Variants in DNM2 observed in about 807,000 individuals in gnomAD.
DNM2 encodes dynamin-2.
DNM2 carries 15 observed loss-of-function variants against 99.0 expected under a neutral mutation model. The observed-to-expected ratio is 0.15, with a 90% CI of 0.10 to 0.23. DNM2 has a LOEUF of 0.23. Ranked by LOEUF, DNM2 falls within the 10% of genes least tolerant of loss-of-function variation. The pLI, the probability that DNM2 is intolerant of heterozygous loss-of-function variation, is 1.00. For missense variants in DNM2, 742 were observed against 1,189.4 expected, an observed-to-expected ratio of 0.62 and a Z score of 5.53; for synonymous variants, 525 against 481.2, an observed-to-expected ratio of 1.09 and a Z score of -1.19.
Position 10,759,775 on chromosome 19 carries a change from C to A in DNM2, c.199C>A (p.Arg67=). The A allele has an allele frequency of 6.2e-7, 1 of 1,614,120 alleles. No homozygotes were observed. The highest frequency in any genetic ancestry group is 1.3e-5 in the African/African-American group (1 of 75,040). Residue 67 remains arginine, a synonymous_variant, in exon 2 of 21, where the codon CGG becomes AGG. Coordinates refer to ENST00000389253, the MANE Select transcript of DNM2 (RefSeq NM_001005361.3). ...LPRGSGIVTR[R]PLILQLIFSK... ...CCGCGGTTCAGGAATCGTCACCCGGCGGCCTCTCATTCTGCAGCTCATCTT... is the reference window on the plus strand; with the variant it reads ...CCGCGGTTCAGGAATCGTCACCCGGAGGCCTCTCATTCTGCAGCTCATCTT...
At chr19:10,747,483 C>T (rs892763650) in intron 1 of DNM2, among the ~76,000 whole-genome samples, 5 of 152,142 alleles carry the variant, frequency 3.3e-5, no homozygotes, top group Non-Finnish European at 5.9e-5. Context: ...GTGCCAAGGG[C>T]GGGCCTCGAG....
At chr19:10,797,245 G>T in intron 9 of DNM2, 135 bp from the exon 10 acceptor site, 2 of 1,328,288 alleles carry the variant, frequency 1.5e-6, no homozygotes, top group East Asian at 2.5e-5. Context: ...GGCAAATGCG[G>T]GCGCAGGCTC....
At chr19:10,760,621 CTCT>C (rs1395688496) in intron 2 of DNM2, among the ~76,000 whole-genome samples, 5 of 151,896 alleles carry the variant, frequency 3.3e-5, no homozygotes, top group African/African-American at 7.3e-5. Flanking sequence ...CTTTTGTAAT[CTCT>C]TCTTCTCTTT....
In DNM2 at chr19:10,796,424, C is replaced by A. The variant is rs757729053; in HGVS notation, c.1197-956C>A. Among the ~76,000 whole-genome samples, 1 of 152,150 alleles carries A rather than the reference C, an allele frequency of 6.6e-6. No individual in the cohort carries two copies. Among genetic ancestry groups the A allele is most frequent in the Admixed American group, 6.5e-5 (1 of 15,274 alleles). ...GCCTCCTGGACTGGCCAGACAGATG[C>A]ACAGTTGTCCCTGGGACCCTGATAC... On this transcript the variant is annotated intron_variant, in intron 9 of 20. Coordinates refer to ENST00000389253, the MANE Select transcript of DNM2 (RefSeq NM_001005361.3). The surrounding 1 kb of genome is among the most constrained non-coding windows in gnomAD (Gnocchi z 5.6).
At chr19:10,758,169 C>G (rs1042953477) in intron 1 of DNM2, among the ~76,000 whole-genome samples, 4 of 152,074 alleles carry the variant, frequency 2.6e-5, no homozygotes, top group African/African-American at 9.7e-5. Flanking sequence ...TAAGTCGGAG[C>G]AGGCTACTCC....
intron 11 of DNM2, among the ~76,000 whole-genome samples, chr19:10,800,919 G>A (rs879452094): frequency 5.6e-4 from 86 of 152,240 alleles, no homozygotes; most frequent in African/African-American, 1.9e-3. Flanking sequence ...GTGTGCGCGC[G>A]TGCACGTGCA....
intron 7 of DNM2, among the ~76,000 whole-genome samples, chr19:10,792,598 T>C (rs982473910): frequency 6.6e-6 from 1 of 152,120 alleles, no homozygotes; most frequent in African/African-American, 2.4e-5. Flanking sequence ...AACAAAAATT[T>C]TCTTTCTTTT....
chr19:10,784,928 A>G (rs2071506843), intron 6 of DNM2, among the ~76,000 whole-genome samples: 1 of 137,608 alleles, frequency 7.3e-6, no homozygotes, highest in East Asian at 2.2e-4. Context: ...GGTTCAAGTG[A>G]TTCTCATGCC....
chr19:10,729,182 A>AAAT (rs1568265434), intron 1 of DNM2, among the ~76,000 whole-genome samples: 3 of 124,550 alleles, frequency 2.4e-5, no homozygotes, highest in Non-Finnish European at 5.3e-5. Flanking sequence ...AAAAAAAAAA[A>AAAT]AAAAAAAATA....
chr19:10,811,704 C>T lies in DNM2; in HGVS notation c.1558-560C>T, dbSNP rs781563537. On this transcript the variant is annotated intron_variant, in intron 14 of 20. Coordinates refer to ENST00000389253, the MANE Select transcript of DNM2 (RefSeq NM_001005361.3). This position sits in a 1 kb window ranked among gnomAD's most constrained non-coding sequence, Gnocchi z 5.4. ...GCGCAGGCCTGGGTTCTGACCCCCA[C>T]GCAGATGACAGCTACAGCCACACAA... The T allele has an allele frequency of 1.5e-5, 8 of 517,944 alleles. No homozygotes were observed. Among genetic ancestry groups the T allele is most frequent in the Admixed American group, 3.9e-5 (2 of 51,454 alleles). The allele number at this position is 517,944 out of a possible 1,614,324, so 32.1% of individuals were successfully genotyped here.
rs1247339661 is a variant in DNM2 at position 10,795,954 on chromosome 19, C to T, written c.1196+515C>T. 1 of 1,582,664 alleles carries T rather than the reference C, an allele frequency of 6.3e-7. No individual in the cohort carries two copies. Among genetic ancestry groups the T allele is most frequent in the Non-Finnish European group, 8.6e-7 (1 of 1,162,866 alleles). On this transcript the variant is annotated intron_variant, in intron 9 of 20. Transcript: ENST00000389253. This position sits in a 1 kb window ranked among gnomAD's most constrained non-coding sequence, Gnocchi z 4.2. ...CAGGCATCCGACCCCACACATGACA[C>T]AACCTTCATTCCTTGTTGGGGACCC...
In DNM2 at chr19:10,831,794, G is replaced by A. The variant is rs936873220; in HGVS notation, c.*747G>A. The A allele has an allele frequency of 2.1e-5, 21 of 986,970 alleles. No individual in the cohort carries two copies. The highest frequency in any genetic ancestry group is 5.2e-4 in the Middle Eastern group (1 of 1,934). The allele number at this position is 986,970 out of a possible 1,614,324, so 61.1% of individuals were successfully genotyped here. ...CCTCCCTGATGGGTGGGCCCAGGGC[G>A]GCCTCTCTCTGAGGAGACCTCACCC... is the stretch of plus-strand genomic sequence containing the variant. On this transcript the variant is annotated 3_prime_UTR_variant, in exon 21 of 21. Coordinates refer to ENST00000389253, the MANE Select transcript of DNM2 (RefSeq NM_001005361.3). The surrounding 1 kb of genome is among the most constrained non-coding windows in gnomAD (Gnocchi z 4.3).
intron 15 of DNM2, among the ~76,000 whole-genome samples, chr19:10,815,976 G>A (rs533595251): frequency 5.9e-5 from 9 of 152,256 alleles, no homozygotes; most frequent in African/African-American, 2.2e-4. Context: ...GGGCTCATTG[G>A]CTAAGAGAGC....
chr19:10,796,037 G>GC lies in DNM2; in HGVS notation c.1196+603dup, dbSNP rs1190288320. 1 of 1,612,730 alleles carries GC rather than the reference G, an allele frequency of 6.2e-7. No individual in the cohort carries two copies. The highest frequency in any genetic ancestry group is 1.1e-5 in the South Asian group (1 of 91,006). ...TGTTTCTCTCTGACTTATCTCCCCT[G>GC]CCCCCGGGTCTGGACGGTTTCAGGA... is the stretch of plus-strand genomic sequence containing the variant. On this transcript the variant is annotated intron_variant, in intron 9 of 20. Coordinates refer to ENST00000389253, the MANE Select transcript of DNM2 (RefSeq NM_001005361.3). The surrounding 1 kb of genome is among the most constrained non-coding windows in gnomAD (Gnocchi z 5.6).
At chr19:10,784,185 CAG>C (rs926288909) in intron 6 of DNM2, among the ~76,000 whole-genome samples, 2 of 152,076 alleles carry the variant, frequency 1.3e-5, no homozygotes, top group African/African-American at 4.8e-5. Flanking sequence ...ATGCACATAT[CAG>C]GGGGACACAG....
chr19:10,728,604 G>A (rs1470352878), intron 1 of DNM2, among the ~76,000 whole-genome samples: 1 of 152,150 alleles, frequency 6.6e-6, no homozygotes, highest in African/African-American at 2.4e-5. Context: ...CAGTTGCTGG[G>A]CACCCAGCAG....
rs188303742 is a variant in DNM2, at chr19:10,736,707, A to C, written c.161+18304A>C. ...GCGTGAACCACTGTGCCCAGCTGGT[A>C]CTGGTTTTTATAACTGTGTATTATT... On this transcript the variant is annotated intron_variant, in intron 1 of 20. Transcript: ENST00000389253. 3.6e-4 allele frequency among the ~76,000 whole-genome samples: 55 copies of C among 152,214 alleles called. No individual in the cohort carries two copies. In the East Asian group the frequency reaches 7.3e-3, roughly 20 times the overall value.
At chr19:10,823,003 G>T (rs944530932) in intron 16 of DNM2, among the ~76,000 whole-genome samples, 9 of 152,056 alleles carry the variant, frequency 5.9e-5, no homozygotes, top group African/African-American at 1.9e-4. Flanking sequence ...TACTCGGGAG[G>T]CTGAGGCAGG....
At chr19:10,735,496 C>T (rs142396777) in intron 1 of DNM2, among the ~76,000 whole-genome samples, 3 of 152,142 alleles carry the variant, frequency 2.0e-5, no homozygotes, top group African/African-American at 7.2e-5. Flanking sequence ...ATACTCTATC[C>T]TTTGGGATCA....
Sources: allele counts gnomAD v4.1 joint callset (sites outside exome capture counted in the v4.1 genomes callset), GRCh38; gene constraint gnomAD v4.1.1; non-coding constraint Gnocchi (gnomAD v3.1); transcripts MANE v1.5; gene names NCBI Gene and HGNC (gene_info 2026-07-23, HGNC 2026-07-21).